Variants in DNAJC3 observed in about 807,000 individuals in gnomAD.
DNAJC3 encodes dnaJ homolog subfamily C member 3.
Under a neutral mutation model 68.6 loss-of-function variants are expected in DNAJC3, and 38 were observed. The observed-to-expected ratio is 0.55, with a 90% CI of 0.43 to 0.73. The LOEUF (loss-of-function observed/expected upper bound fraction) is 0.73, where lower values mean the gene tolerates loss of function less well. DNAJC3 is among the 30% of genes least tolerant of loss of function. DNAJC3 has a pLI of 0.00. For missense variants in DNAJC3, 526 were observed against 591.9 expected (o/e 0.89, Z 1.16); for synonymous variants, 203 against 204.0 (o/e 1.00, Z 0.04).
chr13:95,764,693 CACAT>C (rs1566506739), intron 9 of DNAJC3, among the ~76,000 whole-genome samples: 3 of 130,462 alleles, frequency 2.3e-5, no homozygotes, highest in African/African-American at 6.0e-5. Context: ...TACACACACA[CACAT>C]ATATATATAC....
intron 4 of DNAJC3, among the ~76,000 whole-genome samples, chr13:95,738,135 G>T (rs1335300512): frequency 6.7e-6 from 1 of 149,606 alleles, no homozygotes; most frequent in Non-Finnish European, 1.5e-5. Context: ...GAGCAGTTTT[G>T]AGTGAGATTC....
At chr13:95,735,657 T>G (rs1470946855) in intron 4 of DNAJC3, among the ~76,000 whole-genome samples, 1 of 150,292 alleles carries the variant, frequency 6.7e-6, no homozygotes, top group Non-Finnish European at 1.5e-5. Flanking sequence ...CGCCCACTTT[T>G]TGATGGGGTT....
intron 1 of DNAJC3, among the ~76,000 whole-genome samples, chr13:95,708,876 A>G (rs1439550342): frequency 1.3e-5 from 2 of 152,156 alleles, no homozygotes; most frequent in East Asian, 1.9e-4. Flanking sequence ...TAAATATTGT[A>G]ACAGTCTCTA....
chr13:95,740,552 C>T (rs1453470029), intron 4 of DNAJC3, among the ~76,000 whole-genome samples: 3 of 152,094 alleles, frequency 2.0e-5, no homozygotes, highest in Non-Finnish European at 4.4e-5. Context: ...GCGCAGTATT[C>T]GGGTGGGAGT....
intron 9 of DNAJC3, among the ~76,000 whole-genome samples, chr13:95,769,576 T>G (rs1343462476): frequency 6.6e-6 from 1 of 152,254 alleles, no homozygotes. Flanking sequence ...TGCATCTACC[T>G]TAGCTCAGCT....
intron 1 of DNAJC3, among the ~76,000 whole-genome samples, chr13:95,703,838 T>C (rs1175989427): frequency 6.6e-6 from 1 of 152,156 alleles, no homozygotes; most frequent in African/African-American, 2.4e-5. Context: ...GCTTTTTTTT[T>C]TTTTAACCTG....
intron 9 of DNAJC3, among the ~76,000 whole-genome samples, chr13:95,781,275 A>G (rs1883443271): frequency 1.3e-5 from 2 of 152,238 alleles, no homozygotes; most frequent in South Asian, 4.1e-4. Context: ...CTCCATATAC[A>G]GGGGCCAGAG....
At chr13:95,724,612 T>C (rs911890808) in intron 3 of DNAJC3, among the ~76,000 whole-genome samples, 2 of 152,246 alleles carry the variant, frequency 1.3e-5, no homozygotes, top group Non-Finnish European at 2.9e-5. Flanking sequence ...CACTAGCTAC[T>C]TCTAGGACAC....
At chr13:95,709,426 A>T in intron 2 of DNAJC3, 89 bp downstream of exon 2, 1 of 893,110 alleles carries the variant, frequency 1.1e-6, no homozygotes, top group African/African-American at 1.8e-5. Context: ...TAAAATAAAC[A>T]TTATTTCATG....
chr13:95,704,943 G>A lies in DNAJC3; in HGVS notation c.83-4284G>A, dbSNP rs544466914. Reference sequence around the variant, plus strand: ...CTCAGCTCACCGCAACCTCCACCTCGTGGGTTCAAGTGATTCTCATGCCTC... The same window carrying A: ...CTCAGCTCACCGCAACCTCCACCTCATGGGTTCAAGTGATTCTCATGCCTC... On this transcript the variant is annotated intron_variant, in intron 1 of 11. Transcript: ENST00000602402. Among the ~76,000 whole-genome samples, 189 of 148,746 alleles carry A rather than the reference G, an allele frequency of 1.3e-3. 2 individuals are homozygous for A. Among genetic ancestry groups the A allele is most frequent in the African/African-American group, 4.3e-3 (171 of 39,554 alleles).
intron 4 of DNAJC3, among the ~76,000 whole-genome samples, chr13:95,733,838 C>T (rs924767008): frequency 5.3e-5 from 8 of 150,346 alleles, no homozygotes; most frequent in Middle Eastern, 6.8e-3. Flanking sequence ...TTTTAGTCTT[C>T]GTGTGTCTTT....
chr13:95,735,796 C>G (rs954538517), intron 4 of DNAJC3, among the ~76,000 whole-genome samples: 2 of 152,048 alleles, frequency 1.3e-5, no homozygotes, highest in African/African-American at 4.8e-5. Flanking sequence ...ATGATAGTTT[C>G]TTTTGCTGTG....
intron 1 of DNAJC3, chr13:95,694,834 T>C (rs1880386491): frequency 6.6e-6 from 1 of 152,654 alleles, no homozygotes; most frequent in Admixed American, 6.5e-5. Context: ...GGTGCTTCAA[T>C]ATTCTTCATC....
chr13:95,704,849 G>GTTTT (rs1292968162), intron 1 of DNAJC3, among the ~76,000 whole-genome samples: 1 of 102,884 alleles, frequency 9.7e-6, no homozygotes, highest in African/African-American at 7.3e-5. Flanking sequence ...CTGTGTGTGT[G>GTTTT]TGTTTTTTTT....
chr13:95,700,043 G>A (rs1880544554), intron 1 of DNAJC3, among the ~76,000 whole-genome samples: 1 of 151,984 alleles, frequency 6.6e-6, no homozygotes, highest in African/African-American at 2.4e-5. Flanking sequence ...TTGAACTCCT[G>A]GCCTGAAGTG....
At chr13:95,717,739 T>A (rs112468586) in intron 2 of DNAJC3, among the ~76,000 whole-genome samples, 2,599 of 152,254 alleles carry the variant, frequency 0.017, 80 homozygotes, top group African/African-American at 0.06. Context: ...TCATTCTCTC[T>A]TGTCTGCTGC....
At chr13:95,703,145 A>G (rs190008909) in intron 1 of DNAJC3, among the ~76,000 whole-genome samples, 5 of 152,332 alleles carry the variant, frequency 3.3e-5, no homozygotes, top group Admixed American at 3.3e-4. Flanking sequence ...GCCTCAAATC[A>G]CAACTTATGT....
intron 4 of DNAJC3, among the ~76,000 whole-genome samples, chr13:95,725,684 A>G (rs1427405219): frequency 1.4e-5 from 2 of 144,190 alleles, no homozygotes; most frequent in East Asian, 4.0e-4. Context: ...TTTTTTTATT[A>G]TTATTATACT....
rs556623953 is a variant in DNAJC3, at chr13:95,764,944, C to T, written c.1075+991C>T. Among the ~76,000 whole-genome samples the T allele has an allele frequency of 3.2e-4, 49 of 151,614 alleles. 1 individual carries two copies. The highest frequency in any genetic ancestry group is 3.9e-4 in the East Asian group (2 of 5,136). On this transcript the variant is annotated intron_variant, in intron 9 of 11. Transcript: ENST00000602402. ...TTCTCTTACAGTTAAATGAAGGGTT[C>T]GAATGGTAAAATTTGGTTTGTGATA...
Sources: gnomAD v4.1 joint callset for allele counts (sites outside exome capture counted in the v4.1 genomes callset) on GRCh38, gnomAD v4.1.1 for gene constraint, MANE v1.5 for transcripts, NCBI Gene and HGNC (gene_info 2026-07-23, HGNC 2026-07-21) for gene names.